Variants in SLC12A7 observed in about 807,000 individuals in gnomAD.
The protein encoded by SLC12A7 is K-Cl cotransporter 4.
A neutral mutation model predicts 120.6 loss-of-function variants in SLC12A7; 100 were observed. The ratio of observed to expected loss-of-function variants is 0.83; its 90% CI spans 0.71 to 0.98. The LOEUF is 0.98. Ranked by LOEUF, SLC12A7 falls within the 50% of genes least tolerant of loss-of-function variation. The probability of loss-of-function intolerance (pLI) is 0.00; values close to 1 mark genes in which losing one functional copy is unlikely to be tolerated. For missense variants in SLC12A7, 1,373 were observed against 1,548.1 expected, an observed-to-expected ratio of 0.89 and a Z score of 1.90; for synonymous variants, 760 against 678.0, an observed-to-expected ratio of 1.12 and a Z score of -1.88.
At chr5:1,078,526 C>G (rs111732747) in intron 11 of SLC12A7, 175 bp downstream of exon 11, 2 of 649,114 alleles carry the variant, frequency 3.1e-6, no homozygotes, top group African/African-American at 1.8e-5. Flanking sequence ...GCCCTAGGCT[C>G]CAGCGGAAGA....
At chr5:1,066,079 C>T (rs370702017) in intron 17 of SLC12A7, among the ~76,000 whole-genome samples, 13 of 152,156 alleles carry the variant, frequency 8.5e-5, no homozygotes, top group African/African-American at 2.7e-4. Flanking sequence ...GGACCTGCCA[C>T]GCACTAAAGC....
At chr5:1,054,245 C>T (rs962485480) in intron 22 of SLC12A7, among the ~76,000 whole-genome samples, 1 of 152,256 alleles carries the variant, frequency 6.6e-6, no homozygotes, top group African/African-American at 2.4e-5. Flanking sequence ...CGCAGCTCTG[C>T]TCCACGACCC....
chr5:1,117,095 G>T, the SLC12A7 span, among the ~76,000 whole-genome samples: 1 of 152,140 alleles, frequency 6.6e-6, no homozygotes, highest in African/African-American at 2.4e-5. This position sits in a 1 kb window ranked among gnomAD's most constrained non-coding sequence, Gnocchi z 4.5. Context: ...TCTCAGAGCC[G>T]CGGAGGGTCC....
In SLC12A7 at chr5:1,081,749, C is replaced by T. The variant is rs749575925; in HGVS notation, c.1130-5G>A. The T allele has an allele frequency of 2.6e-5, 42 of 1,608,038 alleles. No homozygotes were observed. Among genetic ancestry groups the T allele is most frequent in the South Asian group, 5.5e-5 (5 of 90,868 alleles). On this transcript the variant is annotated splice_region_variant and splice_polypyrimidine_tract_variant and intron_variant, in intron 8 of 23. Transcript: ENST00000264930. ...CGTACGTACTCCACAGGTTCTCTGC[C>T]GGGCAAGGAAGATCCCATGGGTTTC...
the SLC12A7 span, among the ~76,000 whole-genome samples, chr5:1,133,272 G>A: frequency 3.5e-3 from 527 of 152,314 alleles, 1 homozygote; most frequent in Non-Finnish European, 4.1e-3. Flanking sequence ...GGCGCCCTGC[G>A]CTGGGCTAAT....
At chr5:1,076,925 A>G in intron 12 of SLC12A7, 113 bp from the exon 13 acceptor site, 1 of 754,038 alleles carries the variant, frequency 1.3e-6, no homozygotes, top group East Asian at 2.5e-5. Context: ...ACCAGCAGAA[A>G]CGCCTTTCAC....
At position 1,073,801 on chromosome 5, in the gene SLC12A7, C is replaced by T; in HGVS notation, c.2073G>A (p.Arg691=). ...EHGPPHTKNW[R]PQVLVMLNLD... ...GGTTCAGCATCACCAGCACCTGGGG[C>T]CTGCAGCCAGGGTGGGGCGGCTGTT... Residue 691 remains arginine, a splice_region_variant and synonymous_variant, in exon 17 of 24, where the codon AGG becomes AGA. Transcript: ENST00000264930. The T allele has an allele frequency of 7.1e-7, 1 of 1,413,424 alleles. No individual in the cohort carries two copies. Among genetic ancestry groups the T allele is most frequent in the African/African-American group, 1.5e-5 (1 of 67,610 alleles). 87.6% of individuals were successfully genotyped at this position (1,413,424 alleles called of 1,614,324 possible).
At position 1,079,425 on chromosome 5, in the gene SLC12A7, G is replaced by A. The variant is rs770116924; in HGVS notation, c.1369C>T (p.Leu457=). The part of the protein sequence containing the change: ...AQKSIPTGTI[L]AIVTTSFIYL... The stretch of plus-strand genomic sequence containing the variant: ...ATGAAAGACGTCGTCACTATGGCCA[G>A]GATGGTCCCCGTGGGGATGGACTTC... The change falls in exon 10 of 24, where the codon CTG becomes TTG. Residue 457 remains leucine, a synonymous_variant. Transcript: ENST00000264930. The A allele has an allele frequency of 5.6e-6, 9 of 1,612,658 alleles. No individual in the cohort carries two copies. The East Asian group carries it at 1.6e-4, about 28-fold the overall frequency.
chr5:1,147,421 G>C, the SLC12A7 span, among the ~76,000 whole-genome samples: 1 of 150,950 alleles, frequency 6.6e-6, no homozygotes, highest in East Asian at 2.0e-4. Context: ...ACCCGCCGAG[G>C]GTCCCACACC....
chr5:1,052,749 G>C (rs1354470696), intron 23 of SLC12A7, among the ~76,000 whole-genome samples: 1 of 152,162 alleles, frequency 6.6e-6, no homozygotes, highest in Non-Finnish European at 1.5e-5. Context: ...CCCCAGCCAC[G>C]GGACTGGGTC....
Position 1,076,512 on chromosome 5 carries a change from C to T in SLC12A7, c.1748+182G>A, listed in dbSNP as rs115920132. Among the ~76,000 whole-genome samples, 336 of 152,200 alleles carry T rather than the reference C, an allele frequency of 2.2e-3. 1 individual carries two copies. The highest frequency in any genetic ancestry group is 7.7e-3 in the African/African-American group (322 of 41,550). On this transcript the variant is annotated intron_variant, in intron 13 of 23. Transcript: ENST00000264930. ...ACTGTCCCTGGCTGACCCCAGCGGGCGGCTGCCTGGAGGCCTGTGTACTTG... is the reference window on the plus strand; with the variant it reads ...ACTGTCCCTGGCTGACCCCAGCGGGTGGCTGCCTGGAGGCCTGTGTACTTG...
chr5:1,086,782 C>T, intron 6 of SLC12A7, 121 bp downstream of exon 6: 1 of 1,362,670 alleles, frequency 7.3e-7, no homozygotes. Flanking sequence ...CAGGGGCAGC[C>T]AGGGCAGTGG....
intron 9 of SLC12A7, among the ~76,000 whole-genome samples, chr5:1,080,817 C>T (rs930411549): frequency 6.6e-6 from 1 of 152,238 alleles, no homozygotes; most frequent in Non-Finnish European, 1.5e-5. Context: ...CTCCTAACAG[C>T]CTGCCAGGTG....
chr5:1,082,492 CGTCTCGGGTTCTGGGG>C (rs1739288319), intron 8 of SLC12A7, among the ~76,000 whole-genome samples: 1 of 133,014 alleles, frequency 7.5e-6, no homozygotes, highest in East Asian at 2.4e-4. Context: ...CGGGCTTCCC[CGTCTCGGGTTCTGGGG>C]AAGTCCGGGC....
chr5:1,146,500 C>T, the SLC12A7 span, among the ~76,000 whole-genome samples: 2 of 152,170 alleles, frequency 1.3e-5, no homozygotes, highest in Non-Finnish European at 2.9e-5. The surrounding 1 kb of genome is among the most constrained non-coding windows in gnomAD (Gnocchi z 6.5). Context: ...CCTCCCCGAC[C>T]GTCTGGATGG....
chr5:1,121,290 T>C, the SLC12A7 span, among the ~76,000 whole-genome samples: 1 of 152,038 alleles, frequency 6.6e-6, no homozygotes, highest in African/African-American at 2.4e-5. Flanking sequence ...ACACGTGGAG[T>C]TCCCTGTGTC....
chr5:1,053,379 G>A lies in SLC12A7; in HGVS notation c.3130C>T (p.Pro1044Ser). ...AQLVLLNMPG[P>S]PKNRQGDENY... ...TCGTCTCCCTGCCGGTTTTTGGGAG[G>A]ACCTGGCATGTTGAGCAGGACCAGC... Residue 1044 changes from proline to serine, a missense_variant, in exon 23 of 24, where the codon CCT (proline) becomes TCT (serine). Coordinates refer to ENST00000264930, the MANE Select transcript of SLC12A7 (RefSeq NM_006598.3). 6.2e-7 allele frequency: 1 copy of A among 1,613,974 alleles called. No individual in the cohort carries two copies. The highest frequency in any genetic ancestry group is 8.5e-7 in the Non-Finnish European group (1 of 1,179,990).
chr5:1,147,744 T>C, the SLC12A7 span, among the ~76,000 whole-genome samples: 1 of 152,184 alleles, frequency 6.6e-6, no homozygotes, highest in Non-Finnish European at 1.5e-5. Flanking sequence ...TTTAATTAAA[T>C]TAATTAATTA....
At chr5:1,067,999 G>T (rs1004417653) in intron 17 of SLC12A7, among the ~76,000 whole-genome samples, 1 of 152,208 alleles carries the variant, frequency 6.6e-6, no homozygotes. Flanking sequence ...TTACGAGCGG[G>T]GAGCAAGAAC....
Sources: gnomAD v4.1 joint callset for allele counts (sites outside exome capture counted in the v4.1 genomes callset) on GRCh38, gnomAD v4.1.1 for gene constraint, Gnocchi (gnomAD v3.1) non-coding constraint, MANE v1.5 for transcripts, NCBI Gene and HGNC (gene_info 2026-07-23, HGNC 2026-07-21) for gene names.